Variants in CNTNAP5 observed in about 807,000 individuals in gnomAD.
CNTNAP5 encodes the protein contactin associated protein family member 5.
A neutral mutation model predicts 150.2 loss-of-function variants in CNTNAP5; 72 were observed. That is an observed-to-expected ratio of 0.48 (90% CI 0.40 to 0.58). The LOEUF is 0.58. CNTNAP5 is among the 20% of genes least tolerant of loss of function. The probability of loss-of-function intolerance (pLI) is 0.00; values close to 1 mark genes in which losing one functional copy is unlikely to be tolerated. For synonymous variants in CNTNAP5, 672 were observed against 619.8 expected (o/e 1.08, Z -1.25); for missense variants, 1,636 against 1,626.2 (o/e 1.01, Z -0.10).
At chr2:124,116,382 A>C (rs1683429540) in intron 1 of CNTNAP5, among the ~76,000 whole-genome samples, 1 of 152,186 alleles carries the variant, frequency 6.6e-6, no homozygotes, top group South Asian at 2.1e-4. Context: ...TATCGGGTAA[A>C]ACTCTCTTCT....
intron 3 of CNTNAP5, among the ~76,000 whole-genome samples, chr2:124,343,780 T>C (rs780046): frequency 0.73 from 110,825 of 152,064 alleles, 41,370 homozygotes; most frequent in African/African-American, 0.88. Flanking sequence ...TCACAAAATA[T>C]CTAAGGCTAG....
At chr2:124,771,021 T>C (rs1681180304) in intron 16 of CNTNAP5, among the ~76,000 whole-genome samples, 1 of 152,154 alleles carries the variant, frequency 6.6e-6, no homozygotes, top group Non-Finnish European at 1.5e-5. Context: ...ACCTTTCCTT[T>C]AGGCCAGGGC....
chr2:124,874,580 A>C (rs2104730946), intron 21 of CNTNAP5, among the ~76,000 whole-genome samples: 1 of 152,112 alleles, frequency 6.6e-6, no homozygotes, highest in South Asian at 2.1e-4. Flanking sequence ...TATATCAAGA[A>C]AATTTGATTT....
chr2:124,240,022 A>C lies in CNTNAP5; in HGVS notation c.188-2178A>C, dbSNP rs1044478096. ...AAACTGTTTTTTTTCCTGTTGAAGA[A>C]TAATTGCAAATAGCTGGATTTACCC... On this transcript the variant is annotated intron_variant, in intron 2 of 23. Transcript: ENST00000682447. Among the ~76,000 whole-genome samples, 8 of 152,256 alleles carry C rather than the reference A, an allele frequency of 5.3e-5. 1 individual carries two copies. In the South Asian group the frequency reaches 1.7e-3, roughly 32 times the overall value.
Position 124,647,744 on chromosome 2 carries a change from T to C in CNTNAP5, c.1877-14T>C. 1 of 1,574,544 alleles carries C rather than the reference T, an allele frequency of 6.4e-7. No homozygotes were observed. Among genetic ancestry groups the C allele is most frequent in the South Asian group, 1.1e-5 (1 of 86,978 alleles). On this transcript the variant is annotated splice_polypyrimidine_tract_variant and intron_variant, in intron 12 of 23. Coordinates refer to ENST00000682447, the MANE Select transcript of CNTNAP5 (RefSeq NM_001367498.1). ...TTCTAACGTCTCTTGCTTTGTGTTG[T>C]GTTGTCTGGGCAGAGGACAAGATCT...
chr2:124,614,625 C>T (rs903487689), intron 12 of CNTNAP5, among the ~76,000 whole-genome samples: 3 of 151,942 alleles, frequency 2.0e-5, no homozygotes, highest in Admixed American at 6.6e-5. Context: ...ATGGCTCTGG[C>T]GGGAGTGTCT....
chr2:124,348,610 C>G (rs1219022970), intron 3 of CNTNAP5, among the ~76,000 whole-genome samples: 2 of 152,040 alleles, frequency 1.3e-5, no homozygotes, highest in Non-Finnish European at 2.9e-5. Flanking sequence ...GTATTTTTAA[C>G]CAACCCTAAA....
intron 1 of CNTNAP5, among the ~76,000 whole-genome samples, chr2:124,031,343 T>G (rs1195720136): frequency 2.0e-5 from 3 of 152,274 alleles, no homozygotes; most frequent in East Asian, 3.9e-4. Context: ...AATGATTGGT[T>G]TCCTGCTAAG....
intron 14 of CNTNAP5, among the ~76,000 whole-genome samples, chr2:124,749,707 C>T (rs1243048323): frequency 2.0e-5 from 3 of 152,180 alleles, no homozygotes; most frequent in Non-Finnish European, 4.4e-5. Context: ...AGCCAACGCT[C>T]CCGGCAGACT....
In CNTNAP5 at chr2:124,556,224, C is replaced by T. The variant is rs182924989; in HGVS notation, c.1650-6993C>T. On this transcript the variant is annotated intron_variant, in intron 10 of 23. Coordinates refer to ENST00000682447, the MANE Select transcript of CNTNAP5 (RefSeq NM_001367498.1). ...GTATGCTTCACCTTCCTGACTCTGT[C>T]GCTTTGTACTTGGACAAGTTATTCA... Among the ~76,000 whole-genome samples the T allele has an allele frequency of 1.2e-3, 188 of 152,222 alleles. 2 individuals are homozygous for T. The highest frequency in any genetic ancestry group is 4.2e-3 in the African/African-American group (173 of 41,542).
intron 1 of CNTNAP5, among the ~76,000 whole-genome samples, chr2:124,213,490 G>A (rs956269020): frequency 2.0e-5 from 3 of 152,140 alleles, no homozygotes; most frequent in Admixed American, 6.6e-5. Context: ...AAGAAGTATT[G>A]ACTAATTTAT....
In CNTNAP5 at chr2:124,172,412, C is replaced by T. The variant is rs537156773; in HGVS notation, c.83-49293C>T. On this transcript the variant is annotated intron_variant, in intron 1 of 23. Transcript: ENST00000682447. ...ATTTTTGATATCATGGTCCTTTTCT[C>T]TTTTTCTTTCTTTCTTTTGAGACAT... Among the ~76,000 whole-genome samples, 2 of 152,124 alleles carry T rather than the reference C, an allele frequency of 1.3e-5. 1 individual carries two copies. Among genetic ancestry groups the T allele is most frequent in the South Asian group, 4.1e-4 (2 of 4,828 alleles).
At chr2:124,886,028 G>T (rs1678073506) in intron 21 of CNTNAP5, among the ~76,000 whole-genome samples, 1 of 151,988 alleles carries the variant, frequency 6.6e-6, no homozygotes, top group South Asian at 2.1e-4. Flanking sequence ...ACACGCGAGG[G>T]CTAGCCCAGT....
chr2:124,809,828 A>G (rs1479637266), intron 19 of CNTNAP5, among the ~76,000 whole-genome samples: 1 of 152,188 alleles, frequency 6.6e-6, no homozygotes, highest in Non-Finnish European at 1.5e-5. Flanking sequence ...CAAAGATATA[A>G]TTGAAAATAT....
At chr2:124,888,195 A>T (rs534887874) in intron 21 of CNTNAP5, among the ~76,000 whole-genome samples, 2 of 152,000 alleles carry the variant, frequency 1.3e-5, no homozygotes, top group Admixed American at 1.3e-4. Context: ...GAGAACATGC[A>T]GTGTTTTGTT....
At chr2:124,730,571 C>A (rs1269009010) in intron 13 of CNTNAP5, among the ~76,000 whole-genome samples, 1 of 151,870 alleles carries the variant, frequency 6.6e-6, no homozygotes, top group Non-Finnish European at 1.5e-5. Flanking sequence ...AAACACTAGC[C>A]AATGTTTTCA....
intron 1 of CNTNAP5, among the ~76,000 whole-genome samples, chr2:124,094,078 G>A (rs1255831124): frequency 6.6e-6 from 1 of 152,232 alleles, no homozygotes; most frequent in Admixed American, 6.5e-5. Flanking sequence ...GGGAGGGAAT[G>A]CCTAATGAAC....
rs1678724399 is a variant in CNTNAP5 at position 124,914,582 on chromosome 2, G to A, written c.*294G>A. On this transcript the variant is annotated 3_prime_UTR_variant, in exon 24 of 24. Coordinates refer to ENST00000682447, the MANE Select transcript of CNTNAP5 (RefSeq NM_001367498.1). ...ACATGTGTGCACTCCTGCATGTTCA[G>A]TTCTGTACTTCCAGTTTCTAAAATG... 2 of 269,730 alleles carry A rather than the reference G, an allele frequency of 7.4e-6. No individual in the cohort carries two copies. The highest frequency in any genetic ancestry group is 2.2e-5 in the African/African-American group (1 of 45,304). The allele number at this position is 269,730 out of a possible 1,614,324, so 16.7% of individuals were successfully genotyped here.
chr2:124,420,382 C>A (rs1227263536), intron 4 of CNTNAP5, among the ~76,000 whole-genome samples: 1 of 152,120 alleles, frequency 6.6e-6, no homozygotes, highest in Non-Finnish European at 1.5e-5. Flanking sequence ...AACTACCTCT[C>A]CTTTTCCTCC....
Sources: gnomAD v4.1 joint callset for allele counts (sites outside exome capture counted in the v4.1 genomes callset) on GRCh38, gnomAD v4.1.1 for gene constraint, MANE v1.5 for transcripts, NCBI Gene and HGNC (gene_info 2026-07-23, HGNC 2026-07-21) for gene names.